The following AFF2 variants were observed in gnomAD, a reference collection of about 807,000 sequenced individuals.
The protein encoded by AFF2 is ALF transcription elongation factor 2.
Under a neutral mutation model 76.9 loss-of-function variants are expected in AFF2, and 14 were observed. The observed-to-expected ratio is 0.18, with a 90% confidence interval of 0.12 to 0.28. AFF2 has a LOEUF of 0.28. AFF2 is among the 10% of genes least tolerant of loss of function. AFF2 has a pLI of 1.00. For missense variants in AFF2, 868 were observed against 1,001.1 expected (o/e 0.87, Z 1.79); for synonymous variants, 398 against 366.7 (o/e 1.09, Z -0.98).
intron 3 of AFF2, among the ~76,000 whole-genome samples, chrX:148,795,101 T>G (rs782267675): frequency 1.9e-4 from 21 of 112,353 alleles, no homozygotes; most frequent in Non-Finnish European, 3.6e-4. Flanking sequence ...GTGAAAGGAC[T>G]TTGTAACCTG....
At chrX:148,530,151 G>A (rs1450375817) in intron 1 of AFF2, among the ~76,000 whole-genome samples, 1 of 111,609 alleles carries the variant, frequency 9.0e-6, no homozygotes, top group African/African-American at 3.3e-5. Context: ...GACTTCATGT[G>A]TGTCAATTAT....
chrX:148,555,211 A>G (rs1479548941), intron 1 of AFF2, among the ~76,000 whole-genome samples: 1 of 111,855 alleles, frequency 8.9e-6, no homozygotes, highest in African/African-American at 3.2e-5. Flanking sequence ...ACTAGCCTAT[A>G]TTGTGTGGAA....
chrX:148,857,413 G>A (rs1446667953), intron 7 of AFF2, among the ~76,000 whole-genome samples: 2 of 111,837 alleles, frequency 1.8e-5, no homozygotes, highest in African/African-American at 3.2e-5. Flanking sequence ...TTAAGTGAGG[G>A]TCTAAAATAG....
chrX:148,785,632 T>C (rs1297655380), intron 3 of AFF2, among the ~76,000 whole-genome samples: 1 of 111,732 alleles, frequency 8.9e-6, no homozygotes, highest in African/African-American at 3.3e-5. Flanking sequence ...GACTGACTTC[T>C]AGCAGCCATC....
chrX:148,638,687 C>T (rs1198973361), intron 1 of AFF2, among the ~76,000 whole-genome samples: 1 of 111,209 alleles, frequency 9.0e-6, no homozygotes, highest in Non-Finnish European at 1.9e-5. Flanking sequence ...AGGCACCTCA[C>T]GTGGCAAAAG....
chrX:148,518,212 T>G (rs1255839599), intron 1 of AFF2, among the ~76,000 whole-genome samples: 2 of 111,401 alleles, frequency 1.8e-5, no homozygotes, highest in African/African-American at 3.3e-5. Context: ...CCATTTTGCT[T>G]TGGTCTGGTC....
At chrX:148,510,078 G>A (rs1427689117) in intron 1 of AFF2, among the ~76,000 whole-genome samples, 2 of 111,490 alleles carry the variant, frequency 1.8e-5, no homozygotes, top group Admixed American at 9.6e-5. Context: ...ATGCAACTTT[G>A]TTGTTGTGAA....
chrX:148,666,077 T>C (rs1321054797), intron 3 of AFF2, among the ~76,000 whole-genome samples: 3 of 111,901 alleles, frequency 2.7e-5, no homozygotes, highest in African/African-American at 9.8e-5. Context: ...CAAACTATTA[T>C]TGAAATGTGA....
intron 3 of AFF2, among the ~76,000 whole-genome samples, chrX:148,709,707 G>A (rs942189555): frequency 6.3e-5 from 7 of 111,728 alleles, no homozygotes; most frequent in East Asian, 2.8e-4. Context: ...AGTGTGGCAC[G>A]GTAGAAAGGG....
intron 3 of AFF2, among the ~76,000 whole-genome samples, chrX:148,786,506 A>G (rs1430017569): frequency 2.7e-5 from 3 of 111,628 alleles, no homozygotes; most frequent in African/African-American, 6.5e-5. Context: ...AATCAGATCC[A>G]GATCTCTCGT....
At chrX:148,923,623 C>T (rs1470707306) in intron 9 of AFF2, among the ~76,000 whole-genome samples, 1 of 110,332 alleles carries the variant, frequency 9.1e-6, no homozygotes, top group Non-Finnish European at 1.9e-5. Context: ...AAAAAAAAAA[C>T]ATGATGTATA....
intron 8 of AFF2, among the ~76,000 whole-genome samples, chrX:148,901,511 TA>T (rs2071354738): frequency 8.9e-6 from 1 of 112,265 alleles, no homozygotes; most frequent in Non-Finnish European, 1.9e-5. Flanking sequence ...TCCCAATATG[TA>T]ACTGTCTTGA....
At chrX:148,946,314 C>T (rs1260512930) in intron 9 of AFF2, among the ~76,000 whole-genome samples, 2 of 112,231 alleles carry the variant, frequency 1.8e-5, no homozygotes, top group Non-Finnish European at 3.8e-5. Context: ...ATCAAGGTTC[C>T]CTTCCCAGGG....
intron 1 of AFF2, among the ~76,000 whole-genome samples, chrX:148,590,139 A>G (rs1300086363): frequency 1.9e-5 from 2 of 106,949 alleles, no homozygotes; most frequent in Admixed American, 1.0e-4. Flanking sequence ...ATTAAAATAT[A>G]CTACCTATTT....
intron 1 of AFF2, among the ~76,000 whole-genome samples, chrX:148,649,760 TCTC>T (rs1379082590): frequency 3.6e-5 from 4 of 111,775 alleles, no homozygotes; most frequent in Non-Finnish European, 7.5e-5. Flanking sequence ...TTCTTCTCCT[TCTC>T]CTTTCTTTTT....
intron 4 of AFF2, among the ~76,000 whole-genome samples, chrX:148,823,281 G>C (rs1220409980): frequency 4.5e-5 from 5 of 111,526 alleles, no homozygotes; most frequent in Non-Finnish European, 9.4e-5. Context: ...AGCTAGTTCT[G>C]ACCCTGCCAC....
intron 1 of AFF2, among the ~76,000 whole-genome samples, chrX:148,620,652 C>G (rs900877638): frequency 3.6e-5 from 4 of 110,636 alleles, no homozygotes; most frequent in Non-Finnish European, 7.6e-5. Context: ...TTTGAGCATG[C>G]TTTGTGATTT....
Position 148,691,129 on chromosome X carries a change from G to A in AFF2, c.1041+28361G>A, listed in dbSNP as rs139899934. 5.6e-3 allele frequency among the ~76,000 whole-genome samples: 623 copies of A among 111,642 alleles called. 3 individuals are homozygous for A. The highest frequency in any genetic ancestry group is 8.6e-3 in the Non-Finnish European group (455 of 53,137). The stretch of plus-strand genomic sequence containing the variant: ...AGGGGGCACAATTCAGCCCATAACC[G>A]TGTGTCTACGCCTCAGTTATCTTAT... On this transcript the variant is annotated intron_variant, in intron 3 of 20. Coordinates refer to ENST00000370460, the MANE Select transcript of AFF2 (RefSeq NM_002025.4).
intron 3 of AFF2, among the ~76,000 whole-genome samples, chrX:148,709,172 T>C (rs1174273197): frequency 3.6e-5 from 4 of 111,846 alleles, no homozygotes; most frequent in Non-Finnish European, 7.5e-5. Flanking sequence ...TCATTGTAGA[T>C]TAAAGCTTAT....
Sources: allele counts gnomAD v4.1 joint callset (sites outside exome capture counted in the v4.1 genomes callset), GRCh38; gene constraint gnomAD v4.1.1; transcripts MANE v1.5; gene names NCBI Gene and HGNC (gene_info 2026-07-23, HGNC 2026-07-21).